LRBA: variants seen among roughly 807,000 people sequenced by gnomAD.
The protein encoded by LRBA is lipopolysaccharide-responsive and beige-like anchor protein.
Under a neutral mutation model 330.0 loss-of-function variants are expected in LRBA, and 176 were observed. That is an observed-to-expected ratio of 0.53 (90% CI 0.47 to 0.60). The LOEUF is 0.60. LRBA is among the 20% of genes least tolerant of loss of function. The pLI is 0.00. For synonymous variants in LRBA, 1,230 were observed against 1,193.0 expected (o/e 1.03, Z -0.64); for missense variants, 3,259 against 3,444.8 (o/e 0.95, Z 1.35).
chr4:150,387,812 G>C (rs1252083591), intron 47 of LRBA, among the ~76,000 whole-genome samples: 2 of 152,098 alleles, frequency 1.3e-5, no homozygotes, highest in Non-Finnish European at 2.9e-5. Context: ...TTAAGAAGCA[G>C]ATACTTCAAT....
At chr4:150,869,449 G>A (rs1020890355) in intron 20 of LRBA, among the ~76,000 whole-genome samples, 2 of 152,138 alleles carry the variant, frequency 1.3e-5, no homozygotes, top group African/African-American at 4.8e-5. Flanking sequence ...AGAACTTTGG[G>A]AGGCTGAGGC....
At chr4:150,272,824 C>T (rs1342020420) in intron 56 of LRBA, among the ~76,000 whole-genome samples, 2 of 152,032 alleles carry the variant, frequency 1.3e-5, no homozygotes, top group Non-Finnish European at 2.9e-5. Flanking sequence ...AAGACCAAAT[C>T]TACATTTGAT....
intron 2 of LRBA, among the ~76,000 whole-genome samples, chr4:150,963,397 G>A (rs748143434): frequency 6.7e-6 from 1 of 149,586 alleles, no homozygotes; most frequent in Non-Finnish European, 1.5e-5. Flanking sequence ...CTGTTGGCCG[G>A]GCTGGTCTCC....
intron 35 of LRBA, among the ~76,000 whole-genome samples, chr4:150,742,074 CTTCT>C (rs1382748159): frequency 6.6e-6 from 1 of 151,298 alleles, no homozygotes; most frequent in Non-Finnish European, 1.5e-5. Context: ...TCTAAACTTC[CTTCT>C]TTAATAGGAG....
chr4:150,569,251 C>T (rs558859960), intron 40 of LRBA, among the ~76,000 whole-genome samples: 5 of 152,006 alleles, frequency 3.3e-5, no homozygotes, highest in Middle Eastern at 3.4e-3. Flanking sequence ...AACAGGTAGT[C>T]GCAGAATTGT....
chr4:150,621,308 TA>T (rs896899696), intron 37 of LRBA, among the ~76,000 whole-genome samples: 3 of 152,180 alleles, frequency 2.0e-5, no homozygotes, highest in Non-Finnish European at 4.4e-5. Flanking sequence ...TTAGGAGTTG[TA>T]TTTTTAAAAA....
At chr4:150,574,559 T>C (rs1353226183) in intron 40 of LRBA, among the ~76,000 whole-genome samples, 2 of 152,042 alleles carry the variant, frequency 1.3e-5, no homozygotes, top group Non-Finnish European at 2.9e-5. Context: ...AATTTGGGAC[T>C]TTTTGTTTCC....
chr4:150,438,730 T>C (rs1421283546), intron 44 of LRBA, among the ~76,000 whole-genome samples: 1 of 152,200 alleles, frequency 6.6e-6, no homozygotes, highest in Non-Finnish European at 1.5e-5. Context: ...TTTAAACTGC[T>C]TTTCATGTTA....
intron 37 of LRBA, among the ~76,000 whole-genome samples, chr4:150,682,590 C>A (rs899860336): frequency 6.6e-6 from 1 of 152,062 alleles, no homozygotes; most frequent in African/African-American, 2.4e-5. Context: ...GCTTTCAATG[C>A]AAATTTTTGA....
At position 150,415,580 on chromosome 4, in the gene LRBA, G is replaced by A. The variant is rs1747620216; in HGVS notation, c.7052C>T (p.Pro2351Leu). ...CATCTCAGGGAGATAATAAAATTCA[G>A]GGATCAACTCCTATATAAAAATAAA... ...RDTSDIKELI[P>L]EFYYLPEMFV... Residue 2351 changes from proline (P) to leucine (L), a missense_variant, in exon 47 of 57, where the codon CCT (proline) becomes CTT (leucine). Coordinates refer to ENST00000651943, the MANE Select transcript of LRBA (RefSeq NM_001364905.1). 6.4e-7 allele frequency: 1 copy of A among 1,562,010 alleles called. No homozygotes were observed. Among genetic ancestry groups the A allele is most frequent in the East Asian group, 2.2e-5 (1 of 44,538 alleles).
intron 2 of LRBA, among the ~76,000 whole-genome samples, chr4:150,930,673 A>C (rs562309941): frequency 6.6e-6 from 1 of 152,302 alleles, no homozygotes; most frequent in South Asian, 2.1e-4. Flanking sequence ...CAGGCATGAG[A>C]CTGAAAAAAA....
chr4:150,754,168 T>C (rs1039367987), intron 35 of LRBA, among the ~76,000 whole-genome samples: 1 of 143,748 alleles, frequency 7.0e-6, no homozygotes, highest in South Asian at 2.1e-4. Context: ...AAAGGAAGTA[T>C]ATTAATGATA....
chr4:151,007,127 G>A (rs1413031792), intron 2 of LRBA, among the ~76,000 whole-genome samples: 1 of 152,198 alleles, frequency 6.6e-6, no homozygotes, highest in East Asian at 1.9e-4. Flanking sequence ...ATTGAGTCCA[G>A]ATAAATCCTT....
chr4:150,963,910 G>A (rs543672211), intron 2 of LRBA, among the ~76,000 whole-genome samples: 4 of 146,962 alleles, frequency 2.7e-5, no homozygotes, highest in Admixed American at 6.6e-5. Flanking sequence ...CCTGTGCCCC[G>A]CCGCCCCGTC....
intron 42 of LRBA, among the ~76,000 whole-genome samples, chr4:150,474,465 T>C (rs1012563779): frequency 6.6e-6 from 1 of 152,184 alleles, no homozygotes; most frequent in African/African-American, 2.4e-5. Flanking sequence ...ATTTTGTTCT[T>C]ATATTTCAAA....
intron 40 of LRBA, among the ~76,000 whole-genome samples, chr4:150,501,564 G>A (rs943856362): frequency 8.6e-5 from 13 of 151,890 alleles, no homozygotes; most frequent in African/African-American, 3.1e-4. Flanking sequence ...GTGAGCCAAG[G>A]TCGTGCCACT....
chr4:150,987,706 CA>C (rs943074008), intron 2 of LRBA, among the ~76,000 whole-genome samples: 35 of 130,828 alleles, frequency 2.7e-4, no homozygotes, highest in Admixed American at 3.2e-4. Context: ...TCTCTGTATC[CA>C]AAAAAAAAAA....
chr4:151,002,394 C>T (rs1367600275), intron 2 of LRBA, among the ~76,000 whole-genome samples: 1 of 151,072 alleles, frequency 6.6e-6, no homozygotes, highest in Non-Finnish European at 1.5e-5. Flanking sequence ...TGATGAAACC[C>T]CCCCCACTAA....
chr4:150,764,783 G>C (rs1200516138), intron 34 of LRBA, among the ~76,000 whole-genome samples: 1 of 151,954 alleles, frequency 6.6e-6, no homozygotes, highest in Non-Finnish European at 1.5e-5. Context: ...GCAAGGATGT[G>C]GTACAAGAAT....
Sources: gnomAD v4.1 joint callset for allele counts (sites outside exome capture counted in the v4.1 genomes callset) on GRCh38, gnomAD v4.1.1 for gene constraint, MANE v1.5 for transcripts, NCBI Gene and HGNC (gene_info 2026-07-23, HGNC 2026-07-21) for gene names.